USP22: variants seen among roughly 807,000 people sequenced by gnomAD.
The protein encoded by USP22 is ubiquitin carboxyl-terminal hydrolase 22.
In USP22, 22 loss-of-function variants were observed where a neutral mutation model predicts 68.1. That is an observed-to-expected ratio of 0.32 (90% CI 0.23 to 0.46). The LOEUF (loss-of-function observed/expected upper bound fraction) is 0.46, where lower values mean the gene tolerates loss of function less well. Among genes scored for constraint, USP22 ranks in the 20% least tolerant of loss-of-function variants. The probability of loss-of-function intolerance (pLI) is 1.00; values close to 1 mark genes in which losing one functional copy is unlikely to be tolerated. For missense variants in USP22, 433 were observed against 695.8 expected (o/e 0.62, Z 4.25); for synonymous variants, 279 against 274.2 (o/e 1.02, Z -0.17).
At chr17:21,041,593 G>C (rs1325218692) in intron 1 of USP22, among the ~76,000 whole-genome samples, 1 of 152,048 alleles carries the variant, frequency 6.6e-6, no homozygotes, top group Non-Finnish European at 1.5e-5. Flanking sequence ...GCGAGACTTC[G>C]TCTCAAAAAA....
chr17:21,011,458 G>A, intron 7 of USP22, 149 bp from the exon 8 acceptor site: 2 of 1,042,286 alleles, frequency 1.9e-6, no homozygotes, highest in Non-Finnish European at 2.8e-6. Flanking sequence ...AGCAAGAGCA[G>A]CAGTGCTCAC....
intron 10 of USP22, chr17:21,005,191 C>T: frequency 1.6e-6 from 1 of 630,864 alleles, no homozygotes; most frequent in Non-Finnish European, 2.7e-6. Context: ...TCAGAGCACA[C>T]CTGGGTCCTG....
At chr17:21,016,987 A>G (rs1303630031) in intron 5 of USP22, among the ~76,000 whole-genome samples, 2 of 152,176 alleles carry the variant, frequency 1.3e-5, no homozygotes, top group Admixed American at 1.3e-4. Flanking sequence ...ACAACCACCC[A>G]CCAACTTCCC....
intron 1 of USP22, among the ~76,000 whole-genome samples, chr17:21,030,474 A>G (rs1972276264): frequency 6.6e-6 from 1 of 152,222 alleles, no homozygotes; most frequent in African/African-American, 2.4e-5. Context: ...ATCACTCCAG[A>G]GACTACTTCA....
chr17:21,039,505 G>C (rs1049019356), intron 1 of USP22, among the ~76,000 whole-genome samples: 2 of 152,032 alleles, frequency 1.3e-5, no homozygotes, highest in African/African-American at 4.8e-5. Context: ...GGGAGGCTGT[G>C]GTGAGCCGAG....
At chr17:21,042,061 T>C (rs985145649) in intron 1 of USP22, among the ~76,000 whole-genome samples, 3 of 151,962 alleles carry the variant, frequency 2.0e-5, no homozygotes, top group African/African-American at 4.8e-5. Flanking sequence ...CTGCCCCAGC[T>C]CCCGTCCAAG....
intron 1 of USP22, among the ~76,000 whole-genome samples, chr17:21,035,800 G>A (rs1972346228): frequency 6.6e-6 from 1 of 152,016 alleles, no homozygotes; most frequent in Non-Finnish European, 1.5e-5. Flanking sequence ...GGAGGCTGAG[G>A]CAGACAGATC....
Position 21,009,873 on chromosome 17 carries a change from T to C in USP22, c.1103+1278A>G, listed in dbSNP as rs527632225. 9.3e-5 allele frequency among the ~76,000 whole-genome samples: 14 copies of C among 151,116 alleles called. 1 individual carries two copies. The South Asian group carries it at 2.9e-3, about 32-fold the overall frequency. On this transcript the variant is annotated intron_variant, in intron 8 of 12. Coordinates refer to ENST00000261497, the MANE Select transcript of USP22 (RefSeq NM_015276.2). ...GGGAGGTTGAGGCCGGAGAATCACG[T>C]GAACCTGGGAGGTGGAGGTTGCAGT... is the stretch of plus-strand genomic sequence containing the variant.
intron 8 of USP22, among the ~76,000 whole-genome samples, chr17:21,010,923 G>GCTGACA (rs1458342150): frequency 2.0e-5 from 3 of 152,184 alleles, no homozygotes; most frequent in Non-Finnish European, 4.4e-5. Flanking sequence ...AGTAGCAGCT[G>GCTGACA]CTGACACTGA....
intron 10 of USP22, among the ~76,000 whole-genome samples, chr17:21,005,367 A>G (rs894370360): frequency 3.9e-5 from 6 of 152,240 alleles, no homozygotes; most frequent in Admixed American, 1.3e-4. Context: ...CGCTGAATCC[A>G]TTCTACAACC....
In USP22 at chr17:21,011,359, T is replaced by C. The variant is rs1005715810; in HGVS notation, c.945-50A>G. 5.2e-6 allele frequency: 8 copies of C among 1,548,012 alleles called. No homozygotes were observed. The African/African-American group carries it at 8.2e-5, about 16-fold the overall frequency. Reference sequence around the variant, plus strand: ...CTGTGAGGACTGACACCCACCCAGCTCCAGAGGCAACCCGGGGTGGAAGCC... The same window carrying C: ...CTGTGAGGACTGACACCCACCCAGCCCCAGAGGCAACCCGGGGTGGAAGCC... On this transcript the variant is annotated intron_variant, in intron 7 of 12. Coordinates refer to ENST00000261497, the MANE Select transcript of USP22 (RefSeq NM_015276.2).
chr17:21,012,130 G>C (rs1280845526), intron 7 of USP22, among the ~76,000 whole-genome samples: 1 of 152,074 alleles, frequency 6.6e-6, no homozygotes, highest in Non-Finnish European at 1.5e-5. Flanking sequence ...TTCAACTGAA[G>C]TAAAGAACAG....
chr17:21,012,486 T>C (rs931927926), intron 7 of USP22, among the ~76,000 whole-genome samples: 1 of 152,090 alleles, frequency 6.6e-6, no homozygotes, highest in Non-Finnish European at 1.5e-5. Context: ...CAATCCACCA[T>C]GCATGATCCA....
At chr17:21,035,924 G>A (rs1160159518) in intron 1 of USP22, among the ~76,000 whole-genome samples, 3 of 151,256 alleles carry the variant, frequency 2.0e-5, no homozygotes, top group South Asian at 2.1e-4. Flanking sequence ...CCAGTTACTC[G>A]GGAGGCTGAG....
intron 10 of USP22, among the ~76,000 whole-genome samples, chr17:21,006,032 T>C (rs1913766832): frequency 6.6e-6 from 1 of 152,164 alleles, no homozygotes; most frequent in Non-Finnish European, 1.5e-5. Flanking sequence ...CACCAGCAGC[T>C]GGAGGCGGTG....
Position 21,015,873 on chromosome 17 carries a change from G to A in USP22, c.717C>T (p.His239=), listed in dbSNP as rs983882564. 2 of 1,614,188 alleles carry A rather than the reference G, an allele frequency of 1.2e-6. No individual in the cohort carries two copies. Among genetic ancestry groups the A allele is most frequent in the Non-Finnish European group, 1.7e-6 (2 of 1,180,040 alleles). Residue 239 remains histidine, a synonymous_variant, in exon 6 of 13, where the codon CAC becomes CAT. Transcript: ENST00000261497. ...CCAGGTGCAGCAACTTATACGGGAT[G>A]TGAGGGGACCGGTGTCCAGAGTAAA... The part of the protein sequence containing the change: ...QEFYSGHRSP[H]IPYKLLHLVW...
rs563318266 is a variant in USP22 at position 21,028,266 on chromosome 17, A to C, written c.304+276T>G. On this transcript the variant is annotated intron_variant, in intron 2 of 12. Coordinates refer to ENST00000261497, the MANE Select transcript of USP22 (RefSeq NM_015276.2). ...TGTGTTTCAAAGGGTCTGACGTTTC[A>C]TTAGCAGGGACAGTGCAACTTTTCA... is the stretch of plus-strand genomic sequence containing the variant. Among the ~76,000 whole-genome samples, 12 of 152,308 alleles carry C rather than the reference A, an allele frequency of 7.9e-5. No homozygotes were observed. The East Asian group carries it at 2.3e-3, about 29-fold the overall frequency.
intron 3 of USP22, among the ~76,000 whole-genome samples, chr17:21,019,940 AAAG>A (rs1972132980): frequency 6.6e-6 from 1 of 152,254 alleles, no homozygotes; most frequent in Admixed American, 6.5e-5. Context: ...CTGAGAGGGA[AAAG>A]AACAGCGAAC....
At chr17:21,003,977 G>A (rs1265235567) in intron 12 of USP22, among the ~76,000 whole-genome samples, 3 of 151,592 alleles carry the variant, frequency 2.0e-5, no homozygotes, top group African/African-American at 7.3e-5. Flanking sequence ...GACGTTCTCT[G>A]TGCTAAGGGA....
Sources: gnomAD v4.1 joint callset for allele counts (sites outside exome capture counted in the v4.1 genomes callset) on GRCh38, gnomAD v4.1.1 for gene constraint, MANE v1.5 for transcripts, NCBI Gene and HGNC (gene_info 2026-07-23, HGNC 2026-07-21) for gene names.